MBD5: variants seen among roughly 807,000 people sequenced by gnomAD.
MBD5 encodes methyl-CpG-binding domain protein 5.
Under a neutral mutation model 117.3 loss-of-function variants are expected in MBD5, and 13 were observed. The ratio of observed to expected loss-of-function variants is 0.11; its 90% CI spans 0.07 to 0.18. The LOEUF (loss-of-function observed/expected upper bound fraction) is 0.18. Ranked by LOEUF, MBD5 falls within the 10% of genes least tolerant of loss-of-function variation. MBD5 has a pLI of 1.00. For missense variants in MBD5, 1,879 were observed against 2,093.8 expected, an observed-to-expected ratio of 0.90 and a Z score of 2.00; for synonymous variants, 727 against 766.4, an observed-to-expected ratio of 0.95 and a Z score of 0.85.
At chr2:148,376,932 G>C (rs1704009514) in intron 4 of MBD5, among the ~76,000 whole-genome samples, 1 of 143,474 alleles carries the variant, frequency 7.0e-6, no homozygotes. Context: ...TAAATAGAGA[G>C]TTAGCAAGTA....
At chr2:148,277,368 G>T (rs1272114029) in intron 3 of MBD5, among the ~76,000 whole-genome samples, 1 of 151,954 alleles carries the variant, frequency 6.6e-6, no homozygotes, top group African/African-American at 2.4e-5. Context: ...TTTTACCAGA[G>T]AAAACACAAA....
chr2:148,400,421 T>C (rs1226228123), intron 4 of MBD5, among the ~76,000 whole-genome samples: 1 of 152,212 alleles, frequency 6.6e-6, no homozygotes, highest in Non-Finnish European at 1.5e-5. Context: ...TCTATTGCCA[T>C]CCTGGCCCTG....
chr2:148,123,763 A>C (rs193011133), intron 1 of MBD5, among the ~76,000 whole-genome samples: 1 of 152,274 alleles, frequency 6.6e-6, no homozygotes, highest in East Asian at 1.9e-4. Context: ...TGCAGGAAGA[A>C]GACTGCTGAG....
At position 148,091,153 on chromosome 2, in the gene MBD5, C is replaced by T. The variant is rs1227481; in HGVS notation, c.-925+69469C>T. 6.6e-3 allele frequency among the ~76,000 whole-genome samples: 1,003 copies of T among 152,044 alleles called. 5 individuals are homozygous for T. The highest frequency in any genetic ancestry group is 0.011 in the Non-Finnish European group (759 of 67,888). On this transcript the variant is annotated intron_variant, in intron 1 of 13. Transcript: ENST00000642680. ...GAAACAAAACACTGCTGAAATGAAT[C>T]GTCAACAATATAAACAATGGAAACA...
At chr2:148,158,412 C>CT (rs1697922692) in intron 1 of MBD5, among the ~76,000 whole-genome samples, 1 of 152,164 alleles carries the variant, frequency 6.6e-6, no homozygotes, top group Non-Finnish European at 1.5e-5. Flanking sequence ...GCAGGTTTTT[C>CT]TTTAAGTCTC....
chr2:148,152,725 GT>G (rs1181795783), intron 1 of MBD5, among the ~76,000 whole-genome samples: 1 of 150,200 alleles, frequency 6.7e-6, no homozygotes, highest in Non-Finnish European at 1.5e-5. Flanking sequence ...ATCTTTGTTG[GT>G]TTAAAGTCTG....
At chr2:148,123,539 G>C (rs1327991273) in intron 1 of MBD5, among the ~76,000 whole-genome samples, 2 of 152,296 alleles carry the variant, frequency 1.3e-5, no homozygotes, top group East Asian at 3.9e-4. Context: ...TGTAGAACAA[G>C]GGTCAAAGTA....
At chr2:148,308,491 C>CTTTCTTTTTT (rs1701949943) in intron 3 of MBD5, among the ~76,000 whole-genome samples, 1 of 66,772 alleles carries the variant, frequency 1.5e-5, no homozygotes, top group African/African-American at 4.9e-5. Context: ...GGGGTTCTTT[C>CTTTCTTTTTT]TTTTTTTTTT....
At position 148,334,914 on chromosome 2, in the gene MBD5, A is replaced by T. The variant is rs566306250; in HGVS notation, c.-679-7300A>T. On this transcript the variant is annotated intron_variant, in intron 3 of 13. Coordinates refer to ENST00000642680, the MANE Select transcript of MBD5 (RefSeq NM_001378120.1). ...GACTTGAGGAGATTTCTGTTTATGT[A>T]TCCTATATTTTATATTTAAATGCTT... is the stretch of plus-strand genomic sequence containing the variant. Among the ~76,000 whole-genome samples the T allele has an allele frequency of 3.9e-5, 6 of 152,208 alleles. No homozygotes were observed. The East Asian group carries it at 9.7e-4, about 24-fold the overall frequency.
At chr2:148,170,970 G>A (rs772616839) in intron 1 of MBD5, among the ~76,000 whole-genome samples, 19 of 152,160 alleles carry the variant, frequency 1.2e-4, no homozygotes, top group Non-Finnish European at 1.9e-4. Flanking sequence ...CCAATGACAA[G>A]TAAGGAGATT....
intron 2 of MBD5, among the ~76,000 whole-genome samples, chr2:148,187,308 C>A (rs1210419035): frequency 2.7e-5 from 4 of 150,716 alleles, no homozygotes; most frequent in African/African-American, 9.8e-5. Flanking sequence ...TCCTCCATAC[C>A]CCCCCCAAAA....
intron 3 of MBD5, among the ~76,000 whole-genome samples, chr2:148,239,686 T>C (rs1235777232): frequency 2.1e-5 from 3 of 141,478 alleles, no homozygotes; most frequent in African/African-American, 5.3e-5. Flanking sequence ...TTTATTTACT[T>C]ACACACACAC....
chr2:148,151,155 T>G (rs1271302650), intron 1 of MBD5, among the ~76,000 whole-genome samples: 1 of 150,894 alleles, frequency 6.6e-6, no homozygotes, highest in East Asian at 1.9e-4. Flanking sequence ...GCATGAAGGG[T>G]TGTTGAATTT....
rs1682260129 is a variant in MBD5 at position 148,512,893 on chromosome 2, C to T, written c.5136C>T (p.Asp1712=). ...AGGTACACCAAATCCCACAGGGTGA[C>T]AGACAAATGAGACCCCCCAAACCCA... ...SGTVHQIPQG[D]RQMRPPKPKR... The change falls in exon 14 of 14, where the codon GAC becomes GAT. Residue 1712 remains aspartate, a synonymous_variant. Coordinates refer to ENST00000642680, the MANE Select transcript of MBD5 (RefSeq NM_001378120.1). The T allele has an allele frequency of 6.2e-7, 1 of 1,613,780 alleles. No homozygotes were observed. The highest frequency in any genetic ancestry group is 2.2e-5 in the East Asian group (1 of 44,880).
At chr2:148,123,505 AGTTTATGATT>A (rs1014262252) in intron 1 of MBD5, among the ~76,000 whole-genome samples, 109 of 152,322 alleles carry the variant, frequency 7.2e-4, no homozygotes, top group African/African-American at 2.6e-3. Flanking sequence ...GTAGCATGAA[AGTTTATGATT>A]GTATTAACCA....
intron 1 of MBD5, among the ~76,000 whole-genome samples, chr2:148,089,824 G>A (rs1695890594): frequency 6.6e-6 from 1 of 151,542 alleles, no homozygotes; most frequent in Non-Finnish European, 1.5e-5. Flanking sequence ...CCCAACAGAA[G>A]AAAAGAAATA....
intron 4 of MBD5, among the ~76,000 whole-genome samples, chr2:148,397,244 C>T (rs1310870943): frequency 6.6e-6 from 1 of 151,448 alleles, no homozygotes; most frequent in East Asian, 1.9e-4. Flanking sequence ...ATATGGTCAA[C>T]GTGATTATAT....
At chr2:148,286,564 C>T (rs1701373534) in intron 3 of MBD5, among the ~76,000 whole-genome samples, 1 of 152,192 alleles carries the variant, frequency 6.6e-6, no homozygotes, top group Non-Finnish European at 1.5e-5. Context: ...AGATGATGGA[C>T]ATTGCTTTCT....
At chr2:148,299,885 A>G (rs1425787403) in intron 3 of MBD5, among the ~76,000 whole-genome samples, 2 of 152,178 alleles carry the variant, frequency 1.3e-5, no homozygotes, top group African/African-American at 2.4e-5. Context: ...CCTGAGCTCC[A>G]TTTATACTGG....
Sources: allele counts gnomAD v4.1 joint callset (sites outside exome capture counted in the v4.1 genomes callset), GRCh38; gene constraint gnomAD v4.1.1; transcripts MANE v1.5; gene names NCBI Gene and HGNC (gene_info 2026-07-23, HGNC 2026-07-21).